COL13A1: variants seen among roughly 807,000 people sequenced by gnomAD.
COL13A1 encodes the protein collagen type XIII alpha 1 chain.
Under a neutral mutation model 130.9 loss-of-function variants are expected in COL13A1, and 89 were observed. The observed-to-expected ratio is 0.68, with a 90% confidence interval of 0.57 to 0.81. The LOEUF (loss-of-function observed/expected upper bound fraction) is 0.81, where lower values mean the gene tolerates loss of function less well. Ranked by LOEUF, COL13A1 falls within the 30% of genes least tolerant of loss-of-function variation. COL13A1 has a pLI of 0.00. For missense variants in COL13A1, 879 were observed against 934.6 expected (o/e 0.94, Z 0.78); for synonymous variants, 402 against 341.6 (o/e 1.18, Z -1.95).
chr10:69,866,566 C>T (rs2058540387), intron 2 of COL13A1, among the ~76,000 whole-genome samples: 1 of 152,162 alleles, frequency 6.6e-6, no homozygotes, highest in Non-Finnish European at 1.5e-5. Flanking sequence ...CTCCCAGATG[C>T]TCCCCCTGCT....
intron 17 of COL13A1, among the ~76,000 whole-genome samples, chr10:69,915,142 C>T (rs2063787353): frequency 1.3e-5 from 2 of 152,234 alleles, no homozygotes; most frequent in South Asian, 4.1e-4. Context: ...CTGTGAGCCG[C>T]AGTTAGCTTA....
intron 30 of COL13A1, among the ~76,000 whole-genome samples, chr10:69,932,120 G>T (rs1309122431): frequency 6.6e-6 from 1 of 152,046 alleles, no homozygotes; most frequent in Non-Finnish European, 1.5e-5. Flanking sequence ...CAGCAGTAGG[G>T]TCTCTCTAGT....
chr10:69,936,124 GGAAA>G (rs751411627), intron 32 of COL13A1, among the ~76,000 whole-genome samples: 69,692 of 72,568 alleles, frequency 0.96, 33,454 homozygotes, highest in East Asian at 0.99. Flanking sequence ...AAGGAAGGAA[GGAAA>G]GAAGGAAGGA....
chr10:69,844,665 C>T (rs1852520595), intron 2 of COL13A1, among the ~76,000 whole-genome samples: 1 of 152,218 alleles, frequency 6.6e-6, no homozygotes, highest in African/African-American at 2.4e-5. Flanking sequence ...GATATCCTTG[C>T]TTTTGTCATG....
chr10:69,908,886 C>T (rs1242602834), intron 17 of COL13A1, among the ~76,000 whole-genome samples: 1 of 151,686 alleles, frequency 6.6e-6, no homozygotes, highest in Non-Finnish European at 1.5e-5. Flanking sequence ...TGAATAAACT[C>T]TACAAGAAGA....
chr10:69,945,794 C>A (rs534316870), intron 37 of COL13A1, 70 bp downstream of exon 37: 4 of 1,552,344 alleles, frequency 2.6e-6, no homozygotes, highest in Non-Finnish European at 3.5e-6. Context: ...CACGGCCGGC[C>A]GGGCATGGTG....
chr10:69,887,304 C>T, intron 7 of COL13A1, 152 bp from the exon 8 acceptor site: 1 of 729,188 alleles, frequency 1.4e-6, no homozygotes, highest in Non-Finnish European at 2.3e-6. Flanking sequence ...CTTTCTCCAT[C>T]TTCCCTCCCA....
At chr10:69,857,519 T>C (rs1174880289) in intron 2 of COL13A1, among the ~76,000 whole-genome samples, 2 of 152,186 alleles carry the variant, frequency 1.3e-5, no homozygotes, top group African/African-American at 4.8e-5. Context: ...TGGCATTAGA[T>C]CTTCACAGGA....
intron 2 of COL13A1, among the ~76,000 whole-genome samples, chr10:69,865,772 C>T (rs1176873663): frequency 6.6e-6 from 1 of 152,072 alleles, no homozygotes; most frequent in African/African-American, 2.4e-5. Flanking sequence ...CTGACCATAA[C>T]AGGCATCCCA....
intron 35 of COL13A1, among the ~76,000 whole-genome samples, chr10:69,941,354 G>A (rs556899966): frequency 6.6e-6 from 1 of 152,292 alleles, no homozygotes; most frequent in African/African-American, 2.4e-5. Context: ...GGAGGTTTGA[G>A]CCATGGCCTC....
At chr10:69,858,402 G>A (rs12246325) in intron 2 of COL13A1, among the ~76,000 whole-genome samples, 11,306 of 152,274 alleles carry the variant, frequency 0.074, 546 homozygotes, top group African/African-American at 0.12. Flanking sequence ...GGCTCAGAGA[G>A]GTTAAGCAGC....
chr10:69,830,255 G>A (rs1038785351), intron 2 of COL13A1, among the ~76,000 whole-genome samples: 2 of 152,190 alleles, frequency 1.3e-5, no homozygotes, highest in Non-Finnish European at 2.9e-5. Context: ...TCGTCTGTGC[G>A]TAAAAGAAGA....
chr10:69,829,817 C>G (rs11599139), intron 2 of COL13A1, among the ~76,000 whole-genome samples: 20,827 of 152,260 alleles, frequency 0.14, 1,628 homozygotes, highest in South Asian at 0.27. Flanking sequence ...CACCATCTGC[C>G]CCTGGAAGAG....
In COL13A1 at chr10:69,918,234, G is replaced by A. The variant is rs1350189250; in HGVS notation, c.967-51G>A. The A allele has an allele frequency of 2.7e-5, 42 of 1,579,648 alleles. No homozygotes were observed. In the Middle Eastern group the frequency reaches 6.6e-4, roughly 25 times the overall value. On this transcript the variant is annotated intron_variant, in intron 18 of 40. Transcript: ENST00000645393. ...TGTCCACTGCCCCCCGCCCCCTGCTGCCCCCTCGCTGCAGAATGTCTTCAG... is the reference window on the plus strand; with the variant it reads ...TGTCCACTGCCCCCCGCCCCCTGCTACCCCCTCGCTGCAGAATGTCTTCAG...
intron 15 of COL13A1, 90 bp from the exon 16 acceptor site, chr10:69,904,843 G>T: frequency 7.2e-7 from 1 of 1,396,474 alleles, no homozygotes. Flanking sequence ...GAGCTGCTCT[G>T]CCCCTAGGGT....
At chr10:69,923,912 G>C in intron 24 of COL13A1, 57 bp downstream of exon 24, 1 of 1,579,882 alleles carries the variant, frequency 6.3e-7, no homozygotes, top group Non-Finnish European at 8.6e-7. Context: ...GGGAGGTCAA[G>C]AATCATCCCG....
intron 17 of COL13A1, among the ~76,000 whole-genome samples, chr10:69,906,437 T>C (rs2062758446): frequency 6.6e-6 from 1 of 152,184 alleles, no homozygotes; most frequent in Non-Finnish European, 1.5e-5. Context: ...TGGTGGTCAA[T>C]GCTGGCTGTG....
At chr10:69,838,479 TG>T (rs1850695286) in intron 2 of COL13A1, among the ~76,000 whole-genome samples, 2 of 152,072 alleles carry the variant, frequency 1.3e-5, no homozygotes, top group Admixed American at 6.5e-5. Context: ...AGGAGATGTA[TG>T]TAAAGCACGT....
chr10:69,865,949 T>A (rs1333454143), intron 2 of COL13A1, among the ~76,000 whole-genome samples: 1 of 152,216 alleles, frequency 6.6e-6, no homozygotes, highest in Admixed American at 6.5e-5. Flanking sequence ...ATGCCTCAGT[T>A]TCTTCATCCG....
Sources: gnomAD v4.1 joint callset for allele counts (sites outside exome capture counted in the v4.1 genomes callset) on GRCh38, gnomAD v4.1.1 for gene constraint, MANE v1.5 for transcripts, NCBI Gene and HGNC (gene_info 2026-07-23, HGNC 2026-07-21) for gene names.